The following ZNF652 variants were observed in gnomAD, a reference collection of about 807,000 sequenced individuals.
The protein encoded by ZNF652 is zinc finger protein 652.
ZNF652 carries 16 observed loss-of-function variants against 45.2 expected under a neutral mutation model. The ratio of observed to expected loss-of-function variants is 0.35; its 90% confidence interval spans 0.24 to 0.54. ZNF652 has a LOEUF of 0.54. ZNF652 is among the 20% of genes least tolerant of loss of function. The pLI is 0.91. For synonymous variants in ZNF652, 250 were observed against 260.6 expected, an observed-to-expected ratio of 0.96 and a Z score of 0.39; for missense variants, 614 against 765.6, an observed-to-expected ratio of 0.80 and a Z score of 2.34.
intron 1 of ZNF652, among the ~76,000 whole-genome samples, chr17:49,347,816 C>A (rs2070222902): frequency 7.1e-6 from 1 of 141,474 alleles, no homozygotes; most frequent in South Asian, 2.3e-4. Context: ...ATGATCACAG[C>A]TCACTAGAGC....
At chr17:49,351,017 ACACACACAC>A (rs1567700316) in intron 1 of ZNF652, among the ~76,000 whole-genome samples, 72 of 19,784 alleles carry the variant, frequency 3.6e-3, no homozygotes, top group Non-Finnish European at 4.8e-3. Context: ...ATATATATAC[ACACACACAC>A]ACACACACAC....
chr17:49,306,539 A>C (rs1332170419), intron 5 of ZNF652, among the ~76,000 whole-genome samples: 1 of 152,132 alleles, frequency 6.6e-6, no homozygotes, highest in African/African-American at 2.4e-5. Context: ...CTCTCACCTC[A>C]GCCTCCCAAA....
rs746485984 is a variant in ZNF652 at position 49,311,908 on chromosome 17, T to C, written c.1164+19A>G. On this transcript the variant is annotated intron_variant, in intron 4 of 5. Transcript: ENST00000430262. ...ACACTAGCCCCTAGGCCTGGGCCTG[T>C]AGGTAGCACATTCCTTACCTCGCAT... The C allele has an allele frequency of 3.8e-6, 6 of 1,597,066 alleles. No homozygotes were observed. In the African/African-American group the frequency reaches 8.0e-5, roughly 21 times the overall value.
At chr17:49,304,063 T>TA (rs1448930550) in intron 5 of ZNF652, among the ~76,000 whole-genome samples, 2,820 of 136,046 alleles carry the variant, frequency 0.021, 54 homozygotes, top group Non-Finnish European at 0.031. Context: ...TAATTTTTTT[T>TA]TTTTTTTTTT....
At chr17:49,355,675 A>G (rs1292437835) in intron 1 of ZNF652, among the ~76,000 whole-genome samples, 1 of 151,672 alleles carries the variant, frequency 6.6e-6, no homozygotes, top group African/African-American at 2.4e-5. Context: ...CGAGGCGGGC[A>G]GATCACGAGG....
intron 1 of ZNF652, among the ~76,000 whole-genome samples, chr17:49,318,701 A>T (rs1195264151): frequency 1.3e-5 from 2 of 152,220 alleles, no homozygotes; most frequent in African/African-American, 2.4e-5. Context: ...TGGGCATGAA[A>T]CACGCAAGAG....
At position 49,316,080 on chromosome 17, in the gene ZNF652, G is replaced by A. The variant is rs144085776; in HGVS notation, c.900+746C>T. ...AATATTCATTAATATGCATTCACAC[G>A]TGCAAACCAATATAACTGCAATCCA... On this transcript the variant is annotated intron_variant, in intron 2 of 5. Coordinates refer to ENST00000430262, the MANE Select transcript of ZNF652 (RefSeq NM_001145365.3). Among the ~76,000 whole-genome samples, 12 of 152,234 alleles carry A rather than the reference G, an allele frequency of 7.9e-5. No homozygotes were observed. The East Asian group carries it at 9.7e-4, about 12-fold the overall frequency.
Position 49,321,026 on chromosome 17 carries a change from T to A in ZNF652, c.-258-3043A>T, listed in dbSNP as rs969222842. Reference sequence around the variant, plus strand: ...CACTGCACCCAGCCTAGGCTACACTTTTAAAACCACGCCCACAACTTCTAT... The same window carrying A: ...CACTGCACCCAGCCTAGGCTACACTATTAAAACCACGCCCACAACTTCTAT... On this transcript the variant is annotated intron_variant, in intron 1 of 5. Coordinates refer to ENST00000430262, the MANE Select transcript of ZNF652 (RefSeq NM_001145365.3). Among the ~76,000 whole-genome samples, 7 of 152,232 alleles carry A rather than the reference T, an allele frequency of 4.6e-5. No homozygotes were observed. The East Asian group carries it at 1.4e-3, about 29-fold the overall frequency.
intron 1 of ZNF652, among the ~76,000 whole-genome samples, chr17:49,353,188 CT>C (rs1266614718): frequency 6.6e-6 from 1 of 152,078 alleles, no homozygotes; most frequent in Non-Finnish European, 1.5e-5. Flanking sequence ...ATTTCAAATT[CT>C]TTTTTTCTGG....
chr17:49,358,901 TGA>T (rs2070365398), intron 1 of ZNF652, among the ~76,000 whole-genome samples: 1 of 152,178 alleles, frequency 6.6e-6, no homozygotes, highest in African/African-American at 2.4e-5. Flanking sequence ...TTTGTATTAA[TGA>T]GAGTGAACTG....
At chr17:49,325,646 C>T (rs1207354689) in intron 1 of ZNF652, among the ~76,000 whole-genome samples, 1 of 148,476 alleles carries the variant, frequency 6.7e-6, no homozygotes, top group African/African-American at 2.5e-5. Context: ...GGTGAGATCT[C>T]GTCTCTACAA....
rs148984843 is a variant in ZNF652 at position 49,355,225 on chromosome 17, TA to T, written c.-259+6683del. ...TGTTACTTATAAAAGTTACATTAGA[TA>T]AAAAACTTTTAATAATTAATTCACG... On this transcript the variant is annotated intron_variant, in intron 1 of 5. Transcript: ENST00000430262. Among the ~76,000 whole-genome samples, 1,052 of 152,126 alleles carry T rather than the reference TA, an allele frequency of 6.9e-3. 9 individuals are homozygous for T. The highest frequency in any genetic ancestry group is 0.024 in the African/African-American group (1,000 of 41,532).
At chr17:49,288,669 C>T (rs1258679597), downstream of ZNF652, among the ~76,000 whole-genome samples, 1 of 152,130 alleles carries the variant, frequency 6.6e-6, no homozygotes, top group Non-Finnish European at 1.5e-5. Context: ...TTGCTGAATC[C>T]CCAGTGGCCA....
At chr17:49,356,451 AT>A (rs2070337884) in intron 1 of ZNF652, among the ~76,000 whole-genome samples, 1 of 124,836 alleles carries the variant, frequency 8.0e-6, no homozygotes, top group Non-Finnish European at 1.8e-5. Flanking sequence ...AAAAAAAAAA[AT>A]CAAAACCAAA....
At position 49,294,439 on chromosome 17, in the gene ZNF652, C is replaced by T. The variant is rs1598276243; in HGVS notation, c.*3974G>A. On this transcript the variant is annotated 3_prime_UTR_variant, in exon 6 of 6. Transcript: ENST00000430262. ...CTAAAGTTTTTTTTGTGGCGATCTCCCCTCTTGCTAAAAATAAGAATCCAG... is the reference window on the plus strand; with the variant it reads ...CTAAAGTTTTTTTTGTGGCGATCTCTCCTCTTGCTAAAAATAAGAATCCAG... 6.6e-6 allele frequency: 1 copy of T among 152,022 alleles called. No individual in the cohort carries two copies. The highest frequency in any genetic ancestry group is 2.4e-5 in the African/African-American group (1 of 41,392). 9.4% of individuals were successfully genotyped at this position (152,022 alleles called of 1,614,324 possible). A position where few individuals can be genotyped will look rare whatever the true frequency, so the allele number is the denominator to read the frequency against.
chr17:49,353,099 G>A (rs1418467636), intron 1 of ZNF652, among the ~76,000 whole-genome samples: 1 of 152,160 alleles, frequency 6.6e-6, no homozygotes, highest in African/African-American at 2.4e-5. Flanking sequence ...ATATCAAAAT[G>A]TCAATTTTAC....
At chr17:49,312,249 T>C (rs1444605569) in intron 3 of ZNF652, among the ~76,000 whole-genome samples, 1 of 135,242 alleles carries the variant, frequency 7.4e-6, no homozygotes, top group African/African-American at 2.7e-5. Flanking sequence ...CACTGCAACC[T>C]CTGCCCCCTG....
chr17:49,325,083 T>A (rs999243022), intron 1 of ZNF652, among the ~76,000 whole-genome samples: 3 of 152,158 alleles, frequency 2.0e-5, no homozygotes, highest in African/African-American at 7.2e-5. Flanking sequence ...AACTTTTCCT[T>A]TGCATTCACG....
At position 49,291,566 on chromosome 17, in the gene ZNF652, A is replaced by G. The variant is rs2069404817; in HGVS notation, c.*6847T>C. On this transcript the variant is annotated 3_prime_UTR_variant, in exon 6 of 6. Transcript: ENST00000430262. ...AGCTATGGGAACACTTCTCAGGGGC[A>G]GGAACTCCCTTGAATGTGTGTGTCA... The G allele has an allele frequency of 6.6e-6, 1 of 152,224 alleles. No homozygotes were observed. Among genetic ancestry groups the G allele is most frequent in the East Asian group, 1.9e-4 (1 of 5,194 alleles). 9.4% of individuals were successfully genotyped at this position (152,224 alleles called of 1,614,324 possible).
Sources: allele counts gnomAD v4.1 joint callset (sites outside exome capture counted in the v4.1 genomes callset), GRCh38; gene constraint gnomAD v4.1.1; transcripts MANE v1.5; gene names NCBI Gene and HGNC (gene_info 2026-07-23, HGNC 2026-07-21).